Variants in PACSIN1 observed in about 807,000 individuals in gnomAD.
PACSIN1 encodes protein kinase C and casein kinase substrate in neurons protein 1.
A neutral mutation model predicts 59.5 loss-of-function variants in PACSIN1; 15 were observed. The ratio of observed to expected loss-of-function variants is 0.25; its 90% confidence interval spans 0.17 to 0.39. The LOEUF (loss-of-function observed/expected upper bound fraction) is 0.39, where lower values mean the gene tolerates loss of function less well. Ranked by LOEUF, PACSIN1 falls within the 10% of genes least tolerant of loss-of-function variation. The probability of loss-of-function intolerance (pLI) is 1.00; values close to 1 mark genes in which losing one functional copy is unlikely to be tolerated. For missense variants in PACSIN1, 420 were observed against 580.2 expected (o/e 0.72, Z 2.84); for synonymous variants, 210 against 220.6 (o/e 0.95, Z 0.42).
Position 34,488,006 on chromosome 6 carries a change from A to T in PACSIN1, c.-64+21736A>T, listed in dbSNP as rs1168551688. Among the ~76,000 whole-genome samples the T allele has an allele frequency of 6.6e-6, 1 of 152,154 alleles. No individual in the cohort carries two copies. Among genetic ancestry groups the T allele is most frequent in the Non-Finnish European group, 1.5e-5 (1 of 68,028 alleles). ...TTTCCTGGGGAGGCTTATAAGGGGA[A>T]GGTCAGTGAGATAAGCCACAGTCCC... On this transcript the variant is annotated intron_variant, in intron 1 of 9. Transcript: ENST00000244458. This position sits in a 1 kb window ranked among gnomAD's most constrained non-coding sequence, Gnocchi z 4.7.
chr6:34,467,494 T>A (rs1766512726), intron 1 of PACSIN1, among the ~76,000 whole-genome samples: 1 of 150,112 alleles, frequency 6.7e-6, no homozygotes, highest in Non-Finnish European at 1.5e-5. Flanking sequence ...TTCTCTCTAT[T>A]CCCCAGGACC....
Position 34,529,900 on chromosome 6 carries a change from C to G in PACSIN1, c.788+59C>G. 6.5e-7 allele frequency: 1 copy of G among 1,531,022 alleles called. No homozygotes were observed. Among genetic ancestry groups the G allele is most frequent in the Non-Finnish European group, 8.9e-7 (1 of 1,121,346 alleles). 94.8% of individuals were successfully genotyped at this position (1,531,022 alleles called of 1,614,324 possible). A position where few individuals can be genotyped will look rare whatever the true frequency, so the allele number is the denominator to read the frequency against. On this transcript the variant is annotated intron_variant, in intron 6 of 9. Coordinates refer to ENST00000244458, the MANE Select transcript of PACSIN1 (RefSeq NM_020804.5). The surrounding 1 kb of genome is among the most constrained non-coding windows in gnomAD (Gnocchi z 6.3). ...CACAGCCAGCAGATGGTGTGACTGG[C>G]ATGCAGGGCATCCCAGCCCTCCATC...
chr6:34,528,747 A>C lies in PACSIN1; in HGVS notation c.326A>C (p.Asp109Ala), dbSNP rs771352515. ...QEVKNNLLNE[D>A]LEKVKNWQKD... ...GTGAAGAACAATCTGCTGAATGAGG[A>C]CCTGGAGAAGGTGAAGAACTGGCAG... The change falls in exon 4 of 10, where the codon GAC (aspartate) becomes GCC (alanine). Residue 109 changes from aspartate (D) to alanine (A), a missense_variant. Coordinates refer to ENST00000244458, the MANE Select transcript of PACSIN1 (RefSeq NM_020804.5). 6.2e-7 allele frequency: 1 copy of C among 1,614,122 alleles called. No homozygotes were observed. Among genetic ancestry groups the C allele is most frequent in the East Asian group, 2.2e-5 (1 of 44,850 alleles).
chr6:34,511,664 A>G (rs1031822675), intron 1 of PACSIN1, among the ~76,000 whole-genome samples: 1 of 151,044 alleles, frequency 6.6e-6, no homozygotes, highest in African/African-American at 2.4e-5. Flanking sequence ...AAGCCTTTCC[A>G]TTTTCTTTCT....
chr6:34,528,912 T>TGGGGCCCGGGGGGGGGGGGGGGG, intron 4 of PACSIN1, 35 bp downstream of exon 4: 3 of 464,336 alleles, frequency 6.5e-6, no homozygotes, highest in East Asian at 5.4e-5. Context: ...CGGGGTGGGG[T>TGGGGCCCGGGGGGGGGGGGGGGG]GGGCCCGTCT....
Position 34,525,764 on chromosome 6 carries a change from C to T in PACSIN1, c.-63-479C>T, listed in dbSNP as rs1041296788. Among the ~76,000 whole-genome samples the T allele has an allele frequency of 9.2e-5, 14 of 152,198 alleles. No individual in the cohort carries two copies. Among genetic ancestry groups the T allele is most frequent in the South Asian group, 2.1e-4 (1 of 4,830 alleles). On this transcript the variant is annotated intron_variant, in intron 1 of 9. Transcript: ENST00000244458. This position sits in a 1 kb window ranked among gnomAD's most constrained non-coding sequence, Gnocchi z 4.9. ...CCAGGGCAGACACAGCCACCCCAGA[C>T]GCTCCCATAGATCTCGGTGGTGTGA... is the stretch of plus-strand genomic sequence containing the variant.
rs755847758 is a variant in PACSIN1, at chr6:34,515,846, G to A, written c.-63-10397G>A. On this transcript the variant is annotated intron_variant, in intron 1 of 9. Transcript: ENST00000244458. This position sits in a 1 kb window ranked among gnomAD's most constrained non-coding sequence, Gnocchi z 4.4. ...GGACAGACTCGCTGCTGCTGGGGGAGCTCTTGGGCACTGCCACTGCGGAGG... is the reference window on the plus strand; with the variant it reads ...GGACAGACTCGCTGCTGCTGGGGGAACTCTTGGGCACTGCCACTGCGGAGG... Among the ~76,000 whole-genome samples the A allele has an allele frequency of 7.9e-5, 12 of 152,154 alleles. No homozygotes were observed. Among genetic ancestry groups the A allele is most frequent in the Non-Finnish European group, 1.6e-4 (11 of 68,022 alleles).
intron 1 of PACSIN1, among the ~76,000 whole-genome samples, chr6:34,512,387 C>T (rs1767218254): frequency 6.6e-6 from 1 of 152,062 alleles, no homozygotes; most frequent in Non-Finnish European, 1.5e-5. Flanking sequence ...TCTTTGGTAT[C>T]CTTGGATGGA....
rs374966564 is a variant in PACSIN1, at chr6:34,528,696, A to G, written c.275A>G (p.Asp92Gly). ...RAWGAIMTEA[D>G]KVSELHQEVK... ...TGGGGTGCCATAATGACAGAGGCAG[A>G]CAAGGTGAGCGAGCTGCACCAGGAG... The change falls in exon 4 of 10, where the codon GAC becomes GGC. Residue 92 changes from aspartate to glycine, a missense_variant. Asp to Gly is a moderately conservative substitution (Grantham distance 94). Coordinates refer to ENST00000244458, the MANE Select transcript of PACSIN1 (RefSeq NM_020804.5). The G allele has an allele frequency of 6.2e-7, 1 of 1,613,984 alleles. No individual in the cohort carries two copies. The highest frequency in any genetic ancestry group is 8.5e-7 in the Non-Finnish European group (1 of 1,180,028).
In PACSIN1 at chr6:34,531,339, ACTC is replaced by A; in HGVS notation, c.1038-253_1038-251del. On this transcript the variant is annotated intron_variant, in intron 8 of 9. Coordinates refer to ENST00000244458, the MANE Select transcript of PACSIN1 (RefSeq NM_020804.5). This position sits in a 1 kb window ranked among gnomAD's most constrained non-coding sequence, Gnocchi z 4.4. ...TCCTTGCTCTTAAACATTAGGTGGTACTCCTCCTCCCGGATGAAGGCTCAGATG... is the reference window on the plus strand; with the variant it reads ...TCCTTGCTCTTAAACATTAGGTGGTACTCCTCCCGGATGAAGGCTCAGATG... 6.6e-6 allele frequency among the ~76,000 whole-genome samples: 1 copy of A among 151,702 alleles called. No homozygotes were observed. The highest frequency in any genetic ancestry group is 2.4e-5 in the African/African-American group (1 of 41,326).
In PACSIN1 at chr6:34,480,905, CT is replaced by C. The variant is rs528203170; in HGVS notation, c.-64+14642del. 4.4e-3 allele frequency among the ~76,000 whole-genome samples: 660 copies of C among 150,380 alleles called. 6 individuals carry two copies. The highest frequency in any genetic ancestry group is 0.015 in the African/African-American group (597 of 40,960). On this transcript the variant is annotated intron_variant, in intron 1 of 9. Transcript: ENST00000244458. ...TTGCAGGTATGTGGTTACTAGCAGACTTTTTTTCTTTTTTTTTTTTTAGAAT... is the reference window on the plus strand; with the variant it reads ...TTGCAGGTATGTGGTTACTAGCAGACTTTTTTCTTTTTTTTTTTTTAGAAT...
At chr6:34,519,377 G>A (rs948110145) in intron 1 of PACSIN1, among the ~76,000 whole-genome samples, 1 of 152,136 alleles carries the variant, frequency 6.6e-6, no homozygotes, top group Non-Finnish European at 1.5e-5. Context: ...GGCTCCCTGG[G>A]GACTGCCTGG....
rs1251127021 is a variant in PACSIN1 at position 34,516,054 on chromosome 6, C to T, written c.-63-10189C>T. On this transcript the variant is annotated intron_variant, in intron 1 of 9. Coordinates refer to ENST00000244458, the MANE Select transcript of PACSIN1 (RefSeq NM_020804.5). This position sits in a 1 kb window ranked among gnomAD's most constrained non-coding sequence, Gnocchi z 5.4. ...CCTTGGGTGGCATAGGGAGGAGATG[C>T]TAGCCTGCAAGGGGCAGAAGGTTGA... Among the ~76,000 whole-genome samples the T allele has an allele frequency of 6.6e-6, 1 of 152,106 alleles. No individual in the cohort carries two copies. Among genetic ancestry groups the T allele is most frequent in the Non-Finnish European group, 1.5e-5 (1 of 67,980 alleles).
At position 34,514,213 on chromosome 6, in the gene PACSIN1, G is replaced by T. The variant is rs1211621190; in HGVS notation, c.-63-12030G>T. On this transcript the variant is annotated intron_variant, in intron 1 of 9. Transcript: ENST00000244458. The surrounding 1 kb of genome is among the most constrained non-coding windows in gnomAD (Gnocchi z 4.4). Reference sequence around the variant, plus strand: ...CGAGTGCTTAGGGCCACCCATGTGTGCGCTTGAGTGGTGTGTGGCAGCCAT... The same window carrying T: ...CGAGTGCTTAGGGCCACCCATGTGTTCGCTTGAGTGGTGTGTGGCAGCCAT... Among the ~76,000 whole-genome samples, 1 of 151,996 alleles carries T rather than the reference G, an allele frequency of 6.6e-6. No homozygotes were observed. Among genetic ancestry groups the T allele is most frequent in the African/African-American group, 2.4e-5 (1 of 41,374 alleles).
chr6:34,501,934 A>T (rs1322977106), intron 1 of PACSIN1, among the ~76,000 whole-genome samples: 1 of 149,242 alleles, frequency 6.7e-6, no homozygotes, highest in East Asian at 2.1e-4. Context: ...CGGGAGGCTG[A>T]GGCAGAAGAG....
intron 1 of PACSIN1, among the ~76,000 whole-genome samples, chr6:34,467,505 A>G (rs1254307959): frequency 6.6e-6 from 1 of 151,390 alleles, no homozygotes; most frequent in African/African-American, 2.4e-5. Flanking sequence ...CCCCAGGACC[A>G]AAGAGCCACT....
At position 34,492,300 on chromosome 6, in the gene PACSIN1, TTGG is replaced by T. The variant is rs754134541; in HGVS notation, c.-64+26031_-64+26033del. On this transcript the variant is annotated intron_variant, in intron 1 of 9. Coordinates refer to ENST00000244458, the MANE Select transcript of PACSIN1 (RefSeq NM_020804.5). ...CATTGCAACCTCTGCCTCCTGCCTC[TTGG>T]GTTCAGGCAATTCTCCTGCCTCAGC... is the stretch of plus-strand genomic sequence containing the variant. Among the ~76,000 whole-genome samples the T allele has an allele frequency of 2.0e-3, 298 of 149,720 alleles. 5 individuals are homozygous for T. The highest frequency in any genetic ancestry group is 3.9e-3 in the South Asian group (18 of 4,652).
At chr6:34,501,822 A>C (rs1473051949) in intron 1 of PACSIN1, among the ~76,000 whole-genome samples, 1 of 152,094 alleles carries the variant, frequency 6.6e-6, no homozygotes, top group Admixed American at 6.5e-5. Flanking sequence ...AGAGGTCAGG[A>C]GATCGAGGCC....
chr6:34,496,989 C>T (rs915085550), intron 1 of PACSIN1, among the ~76,000 whole-genome samples: 14 of 131,830 alleles, frequency 1.1e-4, no homozygotes, highest in African/African-American at 3.7e-4. Context: ...TGCTCTGTCA[C>T]CCAGGCTGGA....
Sources: allele counts gnomAD v4.1 joint callset (sites outside exome capture counted in the v4.1 genomes callset), GRCh38; gene constraint gnomAD v4.1.1; non-coding constraint Gnocchi (gnomAD v3.1); transcripts MANE v1.5; gene names NCBI Gene and HGNC (gene_info 2026-07-23, HGNC 2026-07-21).